HMCN1: variants seen among roughly 807,000 people sequenced by gnomAD.
The protein encoded by HMCN1 is hemicentin 1.
A neutral mutation model predicts 625.9 loss-of-function variants in HMCN1; 321 were observed. The observed-to-expected ratio is 0.51, with a 90% confidence interval of 0.47 to 0.56. HMCN1 has a LOEUF of 0.56. Ranked by LOEUF, HMCN1 falls within the 20% of genes least tolerant of loss-of-function variation. HMCN1 has a pLI of 0.00. For synonymous variants in HMCN1, 2,425 were observed against 2,417.6 expected, an observed-to-expected ratio of 1.00 and a Z score of -0.09; for missense variants, 6,588 against 6,887.3, an observed-to-expected ratio of 0.96 and a Z score of 1.54.
At chr1:186,183,596 G>T (rs1653085208) in intron 105 of HMCN1, among the ~76,000 whole-genome samples, 1 of 152,142 alleles carries the variant, frequency 6.6e-6, no homozygotes, top group African/African-American at 2.4e-5. Context: ...ACTTTAATCA[G>T]CAGTATAAAT....
At chr1:186,078,028 A>C in intron 54 of HMCN1, 79 bp from the exon 55 acceptor site, 4 of 1,026,296 alleles carry the variant, frequency 3.9e-6, no homozygotes, top group Non-Finnish European at 6.1e-6. Context: ...CAGTCATTAG[A>C]CCTGAAAATT....
At chr1:185,750,713 T>A (rs1654748521) in intron 1 of HMCN1, among the ~76,000 whole-genome samples, 1 of 152,086 alleles carries the variant, frequency 6.6e-6, no homozygotes, top group Non-Finnish European at 1.5e-5. Context: ...ATCCTGTTAC[T>A]CTTATTGTGA....
At chr1:185,785,131 T>C (rs1053586001) in intron 1 of HMCN1, among the ~76,000 whole-genome samples, 1 of 152,244 alleles carries the variant, frequency 6.6e-6, no homozygotes. Context: ...GACATTCTTG[T>C]ACAAATCTTT....
In HMCN1 at chr1:186,048,189, A is replaced by G. The variant is rs1656701071; in HGVS notation, c.6481-554A>G. ...GGGTTGTAATAACTGCAGATGGTCA[A>G]TGGATGAATCAGCATTGATGCAAGT... On this transcript the variant is annotated intron_variant, in intron 41 of 106. Transcript: ENST00000271588. Among the ~76,000 whole-genome samples, 4 of 152,168 alleles carry G rather than the reference A, an allele frequency of 2.6e-5. No individual in the cohort carries two copies. In the South Asian group the frequency reaches 8.3e-4, roughly 31 times the overall value.
At chr1:185,877,389 C>T (rs1401347924) in intron 4 of HMCN1, among the ~76,000 whole-genome samples, 15 of 115,766 alleles carry the variant, frequency 1.3e-4, no homozygotes, top group African/African-American at 4.6e-4. Context: ...AATTTGAAGT[C>T]AGGTAATGTG....
At position 186,152,794 on chromosome 1, in the gene HMCN1, G is replaced by T. The variant is rs112526907; in HGVS notation, c.14941G>T (p.Asp4981Tyr). 11 of 1,614,010 alleles carry T rather than the reference G, an allele frequency of 6.8e-6. No individual in the cohort carries two copies. The highest frequency in any genetic ancestry group is 4.0e-5 in the African/African-American group (3 of 75,030). ...MSHIARGLDS[D>Y]GSLLLDIVVS... is the part of the protein sequence containing the mutation. The stretch of plus-strand genomic sequence containing the variant: ...TCATATTGCCCGGGGCTTGGATTCC[G>T]ATGGTTCTTTGCTGCTAGATATCGT... The change falls in exon 96 of 107, where the codon GAT becomes TAT. Residue 4981 changes from aspartate (D) to tyrosine (Y), a missense_variant. By Grantham distance (160) the Asp-to-Tyr change is radical. Coordinates refer to ENST00000271588, the MANE Select transcript of HMCN1 (RefSeq NM_031935.3).
chr1:186,175,876 C>CAAAAAAAAAAAAAAAAAAAAAAAAA (rs758445916), intron 103 of HMCN1, among the ~76,000 whole-genome samples: 1 of 76,186 alleles, frequency 1.3e-5, no homozygotes, highest in East Asian at 4.3e-4. Flanking sequence ...AACTATGTCT[C>CAAAAAAAAAAAAAAAAAAAAAAAAA]AAAAAAAAAA....
chr1:186,087,792 A>G (rs1659598071), intron 60 of HMCN1, 140 bp from the exon 61 acceptor site: 1 of 1,155,532 alleles, frequency 8.7e-7, no homozygotes, highest in Admixed American at 1.8e-5. Context: ...TATTTTTATA[A>G]AAAATAGCAA....
chr1:185,770,392 G>C (rs1212705014), intron 1 of HMCN1, among the ~76,000 whole-genome samples: 3 of 152,252 alleles, frequency 2.0e-5, no homozygotes, highest in East Asian at 3.9e-4. Flanking sequence ...AAAATATAAA[G>C]TGTGCTGTAT....
chr1:185,859,050 TGTG>T (rs1662697010), intron 2 of HMCN1, among the ~76,000 whole-genome samples: 1 of 149,994 alleles, frequency 6.7e-6, no homozygotes, highest in African/African-American at 2.5e-5. Flanking sequence ...TGTGTGTGTG[TGTG>T]TGTGTGTGTA....
At chr1:185,974,097 T>G (rs1028957718) in intron 15 of HMCN1, among the ~76,000 whole-genome samples, 2 of 152,232 alleles carry the variant, frequency 1.3e-5, no homozygotes, top group African/African-American at 2.4e-5. Flanking sequence ...CATATCTATA[T>G]GTAAGTTACA....
chr1:186,004,517 G>A (rs576006165), intron 29 of HMCN1, among the ~76,000 whole-genome samples: 1 of 151,856 alleles, frequency 6.6e-6, no homozygotes, highest in Non-Finnish European at 1.5e-5. Context: ...ATATGAACAG[G>A]CAGTTAAAAT....
chr1:186,036,740 A>G (rs1276632889), intron 36 of HMCN1, among the ~76,000 whole-genome samples: 1 of 151,742 alleles, frequency 6.6e-6, no homozygotes, highest in African/African-American at 2.4e-5. Flanking sequence ...ACAGGCGCCC[A>G]CCACTACCTC....
intron 4 of HMCN1, among the ~76,000 whole-genome samples, chr1:185,882,743 C>A (rs1664388421): frequency 6.6e-6 from 1 of 151,864 alleles, no homozygotes; most frequent in African/African-American, 2.4e-5. Flanking sequence ...GGGCTTTCAA[C>A]CATGAGAAAT....
intron 77 of HMCN1, among the ~76,000 whole-genome samples, chr1:186,118,881 C>G (rs1661256238): frequency 6.6e-6 from 1 of 152,136 alleles, no homozygotes; most frequent in African/African-American, 2.4e-5. Flanking sequence ...AAATGAGCAC[C>G]AGGGTTCTTT....
At chr1:185,875,955 G>A (rs888119016) in intron 4 of HMCN1, among the ~76,000 whole-genome samples, 2 of 151,908 alleles carry the variant, frequency 1.3e-5, no homozygotes, top group Non-Finnish European at 2.9e-5. Flanking sequence ...CACGTGTACA[G>A]GTTTGTTACC....
chr1:185,785,572 A>G (rs1657507365), intron 1 of HMCN1, among the ~76,000 whole-genome samples: 1 of 152,216 alleles, frequency 6.6e-6, no homozygotes, highest in Non-Finnish European at 1.5e-5. Context: ...TGTTTGAATA[A>G]TTCAGCATCC....
At chr1:186,079,432 C>T (rs1221025599) in intron 55 of HMCN1, among the ~76,000 whole-genome samples, 1 of 152,172 alleles carries the variant, frequency 6.6e-6, no homozygotes, top group Non-Finnish European at 1.5e-5. Context: ...CCAAACTGAG[C>T]CCCGTGCACA....
chr1:186,024,560 G>A (rs771287041), intron 36 of HMCN1, among the ~76,000 whole-genome samples: 3 of 152,082 alleles, frequency 2.0e-5, no homozygotes, highest in African/African-American at 7.2e-5. Context: ...CATCTTAGGC[G>A]CTTAGGAGTC....
Sources: gnomAD v4.1 joint callset for allele counts (sites outside exome capture counted in the v4.1 genomes callset) on GRCh38, gnomAD v4.1.1 for gene constraint, MANE v1.5 for transcripts, NCBI Gene and HGNC (gene_info 2026-07-23, HGNC 2026-07-21) for gene names.